The following DSE variants were observed in gnomAD, a reference collection of about 807,000 sequenced individuals.
The protein encoded by DSE is dermatan-sulfate epimerase.
Under a neutral mutation model 84.4 loss-of-function variants are expected in DSE, and 36 were observed. The ratio of observed to expected loss-of-function variants is 0.43; its 90% CI spans 0.33 to 0.56. The LOEUF (loss-of-function observed/expected upper bound fraction) is 0.56. Among genes scored for constraint, DSE ranks in the 20% least tolerant of loss-of-function variants. The pLI, the probability that DSE is intolerant of heterozygous loss-of-function variation, is 0.06. For missense variants in DSE, 862 were observed against 1,169.6 expected, an observed-to-expected ratio of 0.74 and a Z score of 3.84; for synonymous variants, 410 against 430.1, an observed-to-expected ratio of 0.95 and a Z score of 0.58.
chr6:116,325,820 C>T (rs1776581963), intron 2 of DSE, among the ~76,000 whole-genome samples: 1 of 152,120 alleles, frequency 6.6e-6, no homozygotes, highest in Admixed American at 6.5e-5. Context: ...TTTGTTCAGC[C>T]GGGGGCATCG....
chr6:116,388,674 T>A (rs559295344), intron 1 of DSE, among the ~76,000 whole-genome samples: 11 of 152,340 alleles, frequency 7.2e-5, no homozygotes, highest in African/African-American at 2.4e-4. Flanking sequence ...AAAATTATAT[T>A]TAAGTTTATA....
At chr6:116,258,739 G>A in exon 2 of DSE, 1 of 1,609,220 alleles carries the variant, frequency 6.2e-7, no homozygotes, top group Non-Finnish European at 8.5e-7. Flanking sequence ...CCCAATGCGT[G>A]TGGAGTCCTC....
chr6:116,346,618 G>C (rs1211411101), intron 2 of DSE, among the ~76,000 whole-genome samples: 1 of 152,100 alleles, frequency 6.6e-6, no homozygotes, highest in Non-Finnish European at 1.5e-5. Flanking sequence ...TGGGATGTAT[G>C]TCAAAATAAT....
chr6:116,388,101 C>A (rs1424017979), intron 1 of DSE, among the ~76,000 whole-genome samples: 1 of 152,100 alleles, frequency 6.6e-6, no homozygotes, highest in African/African-American at 2.4e-5. Flanking sequence ...CTAGAATTGG[C>A]TAGATTATGG....
At chr6:116,254,182 T>A in exon 1 of DSE, 1 of 732,238 alleles carries the variant, frequency 1.4e-6, no homozygotes, top group Admixed American at 2.1e-5. Context: ...TCTGCGCGGT[T>A]GACTACGCTT....
intron 2 of DSE, among the ~76,000 whole-genome samples, chr6:116,326,741 T>A (rs1444395315): frequency 6.6e-6 from 1 of 152,120 alleles, no homozygotes; most frequent in African/African-American, 2.4e-5. Flanking sequence ...GAAGACTTAA[T>A]GGAAAGAACA....
chr6:116,318,525 GA>G (rs981835097), intron 2 of DSE, among the ~76,000 whole-genome samples: 12 of 101,430 alleles, frequency 1.2e-4, no homozygotes, highest in African/African-American at 4.2e-4. Context: ...AAAAGAAAGA[GA>G]AGAAGACTGA....
At chr6:116,290,120 T>A (rs2114670787) in intron 2 of DSE, among the ~76,000 whole-genome samples, 1 of 152,196 alleles carries the variant, frequency 6.6e-6, no homozygotes, top group Non-Finnish European at 1.5e-5. Flanking sequence ...TAATAAGTAA[T>A]GGAGTATGGA....
At chr6:116,310,642 C>G (rs1435483143) in intron 2 of DSE, among the ~76,000 whole-genome samples, 2 of 150,980 alleles carry the variant, frequency 1.3e-5, no homozygotes, top group Admixed American at 6.6e-5. Context: ...CCTTTTGGCT[C>G]TGTCTTCAAA....
chr6:116,292,466 A>G (rs1774346408), intron 2 of DSE, among the ~76,000 whole-genome samples: 1 of 152,198 alleles, frequency 6.6e-6, no homozygotes, highest in Non-Finnish European at 1.5e-5. Context: ...GAAAAATTGC[A>G]GAGTTGAAAA....
At chr6:116,294,737 C>G (rs924890108) in intron 2 of DSE, among the ~76,000 whole-genome samples, 1 of 152,158 alleles carries the variant, frequency 6.6e-6, no homozygotes, top group Non-Finnish European at 1.5e-5. Flanking sequence ...AGAGTTTCAC[C>G]ATCTAGTCTC....
chr6:116,331,521 C>T (rs1015838298), intron 2 of DSE, among the ~76,000 whole-genome samples: 8 of 152,178 alleles, frequency 5.3e-5, no homozygotes, highest in Non-Finnish European at 1.2e-4. Context: ...GGTAACCCCC[C>T]AATATATGGG....
At chr6:116,296,052 G>A (rs917364576) in intron 2 of DSE, among the ~76,000 whole-genome samples, 3 of 152,168 alleles carry the variant, frequency 2.0e-5, no homozygotes, top group African/African-American at 7.2e-5. Context: ...TGTGCCTGGT[G>A]ACATTCTACA....
intron 2 of DSE, among the ~76,000 whole-genome samples, chr6:116,302,768 G>C (rs1258393523): frequency 6.6e-6 from 1 of 152,104 alleles, no homozygotes; most frequent in Non-Finnish European, 1.5e-5. Context: ...GTTTTTTATG[G>C]TTTTAGGTAT....
intron 2 of DSE, among the ~76,000 whole-genome samples, chr6:116,417,269 G>C (rs1048643829): frequency 6.6e-6 from 1 of 152,154 alleles, no homozygotes; most frequent in Non-Finnish European, 1.5e-5. Context: ...GATTATGTTT[G>C]GGTGGCATGC....
chr6:116,409,146 T>A (rs560861429), intron 2 of DSE, among the ~76,000 whole-genome samples: 1 of 152,398 alleles, frequency 6.6e-6, no homozygotes, highest in South Asian at 2.1e-4. Flanking sequence ...CATAATGTGT[T>A]AACTATTATT....
At chr6:116,371,242 C>T (rs1212761809) in intron 1 of DSE, 121 bp downstream of exon 1, 12 of 977,282 alleles carry the variant, frequency 1.2e-5, no homozygotes, top group South Asian at 9.5e-5. Flanking sequence ...GCCACGTCCC[C>T]GGCTGAGAGC....
chr6:116,382,788 C>T lies in DSE; in HGVS notation c.-54+11667C>T, dbSNP rs549180525. On this transcript the variant is annotated intron_variant, in intron 1 of 5. Transcript: ENST00000644252. ...GTGTGGCAAGAGAGAAATTTTTCCC[C>T]GCCCTACCCCCAGGCTTATGGTGGG... is the stretch of plus-strand genomic sequence containing the variant. Among the ~76,000 whole-genome samples the T allele has an allele frequency of 7.9e-5, 12 of 152,174 alleles. No individual in the cohort carries two copies. In the South Asian group the frequency reaches 1.2e-3, roughly 16 times the overall value.
intron 2 of DSE, chr6:116,401,181 T>C (rs997590318): frequency 6.6e-6 from 1 of 152,136 alleles, no homozygotes; most frequent in African/African-American, 2.4e-5. Flanking sequence ...CTCATTATAA[T>C]GTAAAATATT....
Sources: gnomAD v4.1 joint callset for allele counts (sites outside exome capture counted in the v4.1 genomes callset) on GRCh38, gnomAD v4.1.1 for gene constraint, MANE v1.5 for transcripts, NCBI Gene and HGNC (gene_info 2026-07-23, HGNC 2026-07-21) for gene names.